Variants in C6orf118 observed in about 807,000 individuals in gnomAD.
C6orf118 encodes chromosome 6 open reading frame 118.
In C6orf118, 50 loss-of-function variants were observed where a neutral mutation model predicts 50.2. That is an observed-to-expected ratio of 1.00 (90% CI 0.79 to 1.26). C6orf118 has a LOEUF of 1.26. Among genes scored for constraint, C6orf118 ranks in the 50% most tolerant of loss-of-function variants. The probability of loss-of-function intolerance (pLI) is 0.00; values close to 1 mark genes in which losing one functional copy is unlikely to be tolerated. For missense variants in C6orf118, 641 were observed against 578.7 expected, an observed-to-expected ratio of 1.11 and a Z score of -1.10; for synonymous variants, 239 against 230.9, an observed-to-expected ratio of 1.03 and a Z score of -0.32.
intron 7 of C6orf118, among the ~76,000 whole-genome samples, chr6:165,288,847 G>C (rs1456166725): frequency 6.6e-6 from 1 of 152,004 alleles, no homozygotes; most frequent in Non-Finnish European, 1.5e-5. Flanking sequence ...TAATCCCTAG[G>C]TGATAGGATG....
At chr6:165,292,385 C>A (rs1227944937) in intron 6 of C6orf118, among the ~76,000 whole-genome samples, 1 of 152,158 alleles carries the variant, frequency 6.6e-6, no homozygotes, top group Non-Finnish European at 1.5e-5. Context: ...GTGATGGGAA[C>A]AGTGGGCTAG....
chr6:165,290,055 T>C lies in C6orf118; in HGVS notation c.1133A>G (p.Lys378Arg). 1.3e-6 allele frequency: 2 copies of C among 1,590,880 alleles called. No individual in the cohort carries two copies. The highest frequency in any genetic ancestry group is 2.3e-5 in the South Asian group (2 of 86,570). Residue 378 changes from lysine to arginine, a missense_variant, in exon 7 of 9, where the codon AAA becomes AGA. Coordinates refer to ENST00000230301, the MANE Select transcript of C6orf118 (RefSeq NM_144980.4). ...AAGTCGGTTTTCATCAATTATATGTTTCTCAGATGATTCTGGAAATATTTT... is the reference window on the plus strand; with the variant it reads ...AAGTCGGTTTTCATCAATTATATGTCTCTCAGATGATTCTGGAAATATTTT... ...SAKERSESSE[K>R]HIIDENRLTL...
chr6:165,284,384 A>T (rs1211920247), intron 7 of C6orf118, among the ~76,000 whole-genome samples: 1 of 152,240 alleles, frequency 6.6e-6, no homozygotes, highest in African/African-American at 2.4e-5. Flanking sequence ...AATGAAACCA[A>T]GTTTGAAAAC....
intron 1 of C6orf118, among the ~76,000 whole-genome samples, chr6:165,306,437 C>T (rs1780731259): frequency 7.7e-6 from 1 of 129,202 alleles, no homozygotes. Flanking sequence ...AACTAACCTG[C>T]ACAATGTGCA....
In C6orf118 at chr6:165,281,712, T is replaced by A; in HGVS notation, c.1303-19A>T. On this transcript the variant is annotated intron_variant, in intron 7 of 8. Coordinates refer to ENST00000230301, the MANE Select transcript of C6orf118 (RefSeq NM_144980.4). ...CTTCATGCTGGAAGAGAAGTTGTTT[T>A]AAACACAATATACTTGGTTAAAAAT... 1 of 1,414,196 alleles carries A rather than the reference T, an allele frequency of 7.1e-7. No homozygotes were observed. The highest frequency in any genetic ancestry group is 9.5e-7 in the Non-Finnish European group (1 of 1,049,752). 87.6% of individuals were successfully genotyped at this position (1,414,196 alleles called of 1,614,324 possible).
intron 7 of C6orf118, among the ~76,000 whole-genome samples, chr6:165,284,293 A>T (rs948247025): frequency 2.0e-5 from 3 of 152,106 alleles, no homozygotes; most frequent in African/African-American, 4.8e-5. Flanking sequence ...TGAAAGGAAT[A>T]AAAAAAGCCT....
rs1052835388 is a variant in C6orf118 at position 165,279,977 on chromosome 6, G to A, written c.*80C>T. 9 of 1,318,302 alleles carry A rather than the reference G, an allele frequency of 6.8e-6. No homozygotes were observed. Among genetic ancestry groups the A allele is most frequent in the African/African-American group, 1.5e-5 (1 of 67,528 alleles). The allele number at this position is 1,318,302 out of a possible 1,614,324, so 81.7% of individuals were successfully genotyped here. A position where few individuals can be genotyped will look rare whatever the true frequency, so the allele number is the denominator to read the frequency against. The stretch of plus-strand genomic sequence containing the variant: ...TGAAATGAAATGTATCTTTATGAAT[G>A]TATATGCATCTGCAAATATCCATGC... On this transcript the variant is annotated 3_prime_UTR_variant, in exon 9 of 9. Coordinates refer to ENST00000230301, the MANE Select transcript of C6orf118 (RefSeq NM_144980.4).
At chr6:165,305,054 AC>A in intron 1 of C6orf118, among the ~76,000 whole-genome samples, 1 of 80,396 alleles carries the variant, frequency 1.2e-5, no homozygotes, top group Non-Finnish European at 2.3e-5. Context: ...GAGGCATCAC[AC>A]TCCCTGACTT....
Position 165,302,977 on chromosome 6 carries a change from A to G in C6orf118, c.26-681T>C, listed in dbSNP as rs114331934. Among the ~76,000 whole-genome samples, 336 of 152,356 alleles carry G rather than the reference A, an allele frequency of 2.2e-3. 2 individuals are homozygous for G. The highest frequency in any genetic ancestry group is 7.6e-3 in the African/African-American group (316 of 41,594). Reference sequence around the variant, plus strand: ...CTACCCATTTTTGCTGCAGGTCTATAGTACAGGTAACACGTTACTGAACAC... The same window carrying G: ...CTACCCATTTTTGCTGCAGGTCTATGGTACAGGTAACACGTTACTGAACAC... On this transcript the variant is annotated intron_variant, in intron 1 of 8. Transcript: ENST00000230301.
chr6:165,303,173 T>C (rs1342371489), intron 1 of C6orf118, among the ~76,000 whole-genome samples: 1 of 152,170 alleles, frequency 6.6e-6, no homozygotes, highest in Non-Finnish European at 1.5e-5. Flanking sequence ...CAAACCATCC[T>C]TCCCTGAGTC....
Position 165,300,384 on chromosome 6 carries a change from C to T in C6orf118, c.856G>A (p.Asp286Asn), listed in dbSNP as rs764518799. 5 of 1,613,732 alleles carry T rather than the reference C, an allele frequency of 3.1e-6. No individual in the cohort carries two copies. The highest frequency in any genetic ancestry group is 1.3e-5 in the African/African-American group (1 of 74,906). ...CTTACCTTAACTTTTTTCAAGAGAT[C>T]ACCAAATATCAAAGAACTGTTACAA... ...DICNSSLIFGDLLKKVKDEYE... is the reference protein window; with the variant it reads ...DICNSSLIFGNLLKKVKDEYE... Residue 286 changes from aspartate to asparagine, a missense_variant, in exon 3 of 9, where the codon GAT becomes AAT. Coordinates refer to ENST00000230301, the MANE Select transcript of C6orf118 (RefSeq NM_144980.4).
At chr6:165,300,507 G>A (rs369835043) in intron 2 of C6orf118, 21 bp from the exon 3 acceptor site, 41 of 1,601,624 alleles carry the variant, frequency 2.6e-5, no homozygotes, top group Non-Finnish European at 3.1e-5. Context: ...AACAGAGTCA[G>A]CCCATTTCAG....
intron 7 of C6orf118, among the ~76,000 whole-genome samples, chr6:165,288,969 T>C (rs2128158321): frequency 6.6e-6 from 1 of 151,984 alleles, no homozygotes; most frequent in East Asian, 1.9e-4. Flanking sequence ...ATAAAATAAA[T>C]AAATGTAAAA....
chr6:165,288,238 C>T (rs145023004), intron 7 of C6orf118, among the ~76,000 whole-genome samples: 3,434 of 152,288 alleles, frequency 0.023, 126 homozygotes, highest in African/African-American at 0.078. Context: ...GAGATACCAT[C>T]TCACACCAGT....
rs369772945 is a variant in C6orf118, at chr6:165,298,063, C to G, written c.975G>C (p.Pro325=). 9.9e-6 allele frequency: 16 copies of G among 1,611,878 alleles called. No individual in the cohort carries two copies. The highest frequency in any genetic ancestry group is 2.2e-5 in the South Asian group (2 of 90,858). Reference sequence around the variant, plus strand: ...CGAGATCCATGTCCGCCGTCTTCACCGGCCTCTGCCCCAGCGCCTTGAGTT... The same window carrying G: ...CGAGATCCATGTCCGCCGTCTTCACGGGCCTCTGCCCCAGCGCCTTGAGTT... The part of the protein sequence containing the change: ...LAQLKALGQR[P]VKTADMDLAR... The change falls in exon 5 of 9, where the codon CCG becomes CCC. Residue 325 remains proline, a synonymous_variant. Transcript: ENST00000230301.
chr6:165,280,826 C>A (rs1005683494), intron 8 of C6orf118, among the ~76,000 whole-genome samples: 1 of 152,176 alleles, frequency 6.6e-6, no homozygotes, highest in African/African-American at 2.4e-5. Flanking sequence ...CAAAGGAAAG[C>A]AGGGAAGAAA....
In C6orf118 at chr6:165,285,960, C is replaced by A. The variant is rs147742127; in HGVS notation, c.1302+3926G>T. ...TGAAGGAAATAGAGACACAAAAAAA[C>A]CTTCAAAAAATCAGTGAATCTAGGA... On this transcript the variant is annotated intron_variant, in intron 7 of 8. Coordinates refer to ENST00000230301, the MANE Select transcript of C6orf118 (RefSeq NM_144980.4). Among the ~76,000 whole-genome samples the A allele has an allele frequency of 8.6e-3, 1,299 of 150,964 alleles. 19 individuals are homozygous for A. Among genetic ancestry groups the A allele is most frequent in the African/African-American group, 0.03 (1,244 of 41,094 alleles).
intron 5 of C6orf118, among the ~76,000 whole-genome samples, chr6:165,295,935 C>T (rs1780280641): frequency 1.3e-5 from 2 of 150,164 alleles, no homozygotes; most frequent in Admixed American, 6.6e-5. Flanking sequence ...CCCCCACCAC[C>T]ACACCCCTGC....
At chr6:165,295,374 C>T (rs1303671907) in intron 5 of C6orf118, among the ~76,000 whole-genome samples, 2 of 152,132 alleles carry the variant, frequency 1.3e-5, no homozygotes, top group Non-Finnish European at 2.9e-5. Context: ...TCTTTGGGAA[C>T]ATGTAATTTA....
Sources: gnomAD v4.1 joint callset for allele counts (sites outside exome capture counted in the v4.1 genomes callset) on GRCh38, gnomAD v4.1.1 for gene constraint, MANE v1.5 for transcripts, NCBI Gene and HGNC (gene_info 2026-07-23, HGNC 2026-07-21) for gene names.